Variants in SFXN5 observed in about 807,000 individuals in gnomAD.
SFXN5 encodes the protein sideroflexin 5.
In SFXN5, 43 loss-of-function variants were observed where a neutral mutation model predicts 50.2. That is an observed-to-expected ratio of 0.86 (90% CI 0.67 to 1.11). SFXN5 has a LOEUF of 1.11. Among genes scored for constraint, SFXN5 ranks in the 50% least tolerant of loss-of-function variants. The pLI is 0.00. For missense variants in SFXN5, 463 were observed against 454.1 expected (o/e 1.02, Z -0.18); for synonymous variants, 203 against 185.8 (o/e 1.09, Z -0.75).
intron 6 of SFXN5, 59 bp downstream of exon 6, chr2:73,020,180 A>G (rs1456910206): frequency 3.3e-6 from 5 of 1,511,342 alleles, no homozygotes; most frequent in African/African-American, 1.4e-5. Flanking sequence ...GCAATAACAT[A>G]AAGTTAGACA....
At chr2:72,982,701 A>G (rs1051751606) in intron 10 of SFXN5, among the ~76,000 whole-genome samples, 5 of 152,166 alleles carry the variant, frequency 3.3e-5, no homozygotes, top group African/African-American at 7.2e-5. Context: ...AGGGCTTCCA[A>G]GAGGAGATGG....
intron 1 of SFXN5, chr2:73,071,054 C>T (rs1294558608): frequency 1.3e-5 from 2 of 152,970 alleles, no homozygotes; most frequent in East Asian, 1.9e-4. Flanking sequence ...GCACTCGCCC[C>T]CTCAACCTGC....
At chr2:73,059,086 G>A (rs1226968037) in intron 1 of SFXN5, 5 of 969,754 alleles carry the variant, frequency 5.2e-6, no homozygotes, top group African/African-American at 4.8e-5. Flanking sequence ...TAAAAGCACT[G>A]AGCTCACAAT....
At chr2:72,988,400 C>G in intron 9 of SFXN5, 52 bp from the exon 10 acceptor site, 1 of 1,515,388 alleles carries the variant, frequency 6.6e-7, no homozygotes. Context: ...GCTGCAGTGG[C>G]TTGTGGGAGG....
At chr2:73,048,827 T>G (rs1680850724) in intron 2 of SFXN5, among the ~76,000 whole-genome samples, 1 of 152,232 alleles carries the variant, frequency 6.6e-6, no homozygotes, top group South Asian at 2.1e-4. Context: ...GAAGTGAGAT[T>G]TCTGAATGAA....
chr2:73,026,485 C>T (rs1004741918), intron 3 of SFXN5, among the ~76,000 whole-genome samples: 1 of 152,062 alleles, frequency 6.6e-6, no homozygotes, highest in African/African-American at 2.4e-5. Context: ...TGACAAACCA[C>T]ATATACAATA....
chr2:72,969,189 C>G (rs1490729472), intron 11 of SFXN5, among the ~76,000 whole-genome samples: 1 of 152,108 alleles, frequency 6.6e-6, no homozygotes, highest in Non-Finnish European at 1.5e-5. Flanking sequence ...CAGGCAGCCC[C>G]AGGAAGGGGC....
At chr2:72,978,168 G>A (rs1179904195) in intron 10 of SFXN5, among the ~76,000 whole-genome samples, 1 of 151,638 alleles carries the variant, frequency 6.6e-6, no homozygotes, top group African/African-American at 2.4e-5. Flanking sequence ...CTTCTGTTTG[G>A]AAACCCAAAT....
intron 6 of SFXN5, among the ~76,000 whole-genome samples, chr2:73,007,815 A>T (rs1674910672): frequency 6.6e-6 from 1 of 152,142 alleles, no homozygotes; most frequent in South Asian, 2.1e-4. Flanking sequence ...TTATGTGGCT[A>T]ATGATCTGAA....
At chr2:72,951,072 G>A (rs1213656128) in intron 13 of SFXN5, among the ~76,000 whole-genome samples, 1 of 151,950 alleles carries the variant, frequency 6.6e-6, no homozygotes, top group Non-Finnish European at 1.5e-5. Context: ...GAAAGCCAAA[G>A]CCCTGGAGGG....
At chr2:73,066,295 C>G (rs887549105) in intron 1 of SFXN5, among the ~76,000 whole-genome samples, 5 of 152,112 alleles carry the variant, frequency 3.3e-5, no homozygotes, top group Non-Finnish European at 7.4e-5. Flanking sequence ...TGGTAGCTCA[C>G]GCCTGTAACC....
intron 5 of SFXN5, among the ~76,000 whole-genome samples, chr2:73,021,536 CA>C (rs1676886525): frequency 6.6e-6 from 1 of 152,144 alleles, no homozygotes; most frequent in African/African-American, 2.4e-5. Context: ...ACGGCAAAGC[CA>C]GGGGGTCACA....
chr2:72,988,439 A>G (rs1672172978), intron 9 of SFXN5, 91 bp from the exon 10 acceptor site: 6 of 1,090,798 alleles, frequency 5.5e-6, no homozygotes, highest in Non-Finnish European at 5.3e-6. Flanking sequence ...AACATCAGAG[A>G]GTGAGGGATG....
intron 6 of SFXN5, among the ~76,000 whole-genome samples, chr2:73,009,690 C>T (rs1033534900): frequency 2.6e-5 from 4 of 152,208 alleles, no homozygotes; most frequent in Non-Finnish European, 5.9e-5. Context: ...CAGAAGGATG[C>T]TTGCTCCAGG....
chr2:72,955,620 T>C (rs532174128), intron 13 of SFXN5, among the ~76,000 whole-genome samples: 6 of 152,276 alleles, frequency 3.9e-5, no homozygotes, highest in African/African-American at 1.4e-4. Flanking sequence ...TTAAACAGGA[T>C]TGGAAGTGCT....
At chr2:72,978,436 C>T (rs1276627079) in intron 10 of SFXN5, among the ~76,000 whole-genome samples, 1 of 151,948 alleles carries the variant, frequency 6.6e-6, no homozygotes, top group Non-Finnish European at 1.5e-5. Flanking sequence ...GCGCCCACCA[C>T]CATGCCCAGC....
At chr2:72,946,696 G>A (rs1671973315) in intron 13 of SFXN5, among the ~76,000 whole-genome samples, 1 of 152,088 alleles carries the variant, frequency 6.6e-6, no homozygotes, top group South Asian at 2.1e-4. Context: ...ATCCAGTGGT[G>A]CTCTGCCCAA....
At chr2:73,053,594 C>A (rs943101978) in intron 2 of SFXN5, 1 of 152,192 alleles carries the variant, frequency 6.6e-6, no homozygotes, top group African/African-American at 2.4e-5. Context: ...TGCCTTATTA[C>A]ACATACAAGG....
At chr2:72,982,099 G>C (rs949912522) in intron 10 of SFXN5, among the ~76,000 whole-genome samples, 1 of 152,172 alleles carries the variant, frequency 6.6e-6, no homozygotes, top group African/African-American at 2.4e-5. Flanking sequence ...ACAGAGTGGA[G>C]CTGGAAGAGG....
Sources: gnomAD v4.1 joint callset for allele counts (sites outside exome capture counted in the v4.1 genomes callset) on GRCh38, gnomAD v4.1.1 for gene constraint, MANE v1.5 for transcripts, NCBI Gene and HGNC (gene_info 2026-07-23, HGNC 2026-07-21) for gene names.